The following SHLD3 variants were observed in gnomAD, a reference collection of about 807,000 sequenced individuals.
The protein encoded by SHLD3 is shieldin complex subunit 3.
SHLD3 carries 15 observed loss-of-function variants against 21.4 expected under a neutral mutation model. The observed-to-expected ratio is 0.70, with a 90% confidence interval of 0.47 to 1.08. SHLD3 has a LOEUF of 1.08. Among genes scored for constraint, SHLD3 ranks in the 50% least tolerant of loss-of-function variants. SHLD3 has a pLI of 0.00. For synonymous variants in SHLD3, 103 were observed against 97.2 expected (o/e 1.06, Z -0.35); for missense variants, 273 against 286.1 (o/e 0.95, Z 0.33).
rs901688684 is a variant in SHLD3 at position 65,629,986 on chromosome 5, T to A, written c.399T>A (p.Ser133Arg). 1 of 1,535,732 alleles carries A rather than the reference T, an allele frequency of 6.5e-7. No homozygotes were observed. The highest frequency in any genetic ancestry group is 8.7e-7 in the Non-Finnish European group (1 of 1,146,794). ...KGKQHKRRSW[S>R]ISLPSNNCTK... ...AACAGCACAAGAGGAGATCTTGGAG[T>A]ATTTCCCTTCCCAGCAATAATTGTA... Residue 133 changes from serine (S) to arginine (R), a missense_variant, in exon 2 of 2, where the codon AGT becomes AGA. By Grantham distance (110) the Ser-to-Arg change is moderately radical. Coordinates refer to ENST00000510585, the MANE Select transcript of SHLD3 (RefSeq NM_001365341.2).
At chr5:65,628,151 A>T (rs1409367246) in intron 1 of SHLD3, among the ~76,000 whole-genome samples, 2 of 152,164 alleles carry the variant, frequency 1.3e-5, no homozygotes, top group African/African-American at 4.8e-5. Context: ...TATGCACCAT[A>T]TGCTGGAATT....
Position 65,627,131 on chromosome 5 carries a change from C to CAAAAAAAAAAAAAAAAAAAAAAAAAAAA in SHLD3, c.-121+2051_-121+2052insAAAAAAAAAAAAAAAAAAAAAAAAAAAA, listed in dbSNP as rs60169195. On this transcript the variant is annotated intron_variant, in intron 1 of 1. Coordinates refer to ENST00000510585, the MANE Select transcript of SHLD3 (RefSeq NM_001365341.2). ...TGGGTGACAGAGTGAGACCCTGTCT[C>CAAAAAAAAAAAAAAAAAAAAAAAAAAAA]AAAAAAAAAAAAAAAAAAAAAAAAA... Among the ~76,000 whole-genome samples the CAAAAAAAAAAAAAAAAAAAAAAAAAAAA allele has an allele frequency of 1.2e-4, 4 of 32,580 alleles. 1 individual carries two copies. Among genetic ancestry groups the CAAAAAAAAAAAAAAAAAAAAAAAAAAAA allele is most frequent in the Non-Finnish European group, 6.4e-5 (1 of 15,528 alleles). The allele number at this position is 32,580 out of a possible 152,430, so 21.4% of individuals were successfully genotyped here.
In SHLD3 at chr5:65,629,561, C is replaced by A; in HGVS notation, c.-27C>A. The A allele has an allele frequency of 6.7e-7, 1 of 1,492,606 alleles. No homozygotes were observed. Among genetic ancestry groups the A allele is most frequent in the South Asian group, 1.3e-5 (1 of 76,660 alleles). The allele number at this position is 1,492,606 out of a possible 1,614,324, so 92.5% of individuals were successfully genotyped here. On this transcript the variant is annotated 5_prime_UTR_variant, in exon 2 of 2. Coordinates refer to ENST00000510585, the MANE Select transcript of SHLD3 (RefSeq NM_001365341.2). The stretch of plus-strand genomic sequence containing the variant: ...GAGTTCAACTAAGAAATTTTCTCAT[C>A]ACTAAGAGTAACTGGATTACTGCAG...
chr5:65,630,085 A>G lies in SHLD3; in HGVS notation c.498A>G (p.Arg166=). ...CACTAAATTTACACTCACTTTATAGAGCAAGATGGACAATAGAACACACTA... is the reference window on the plus strand; with the variant it reads ...CACTAAATTTACACTCACTTTATAGGGCAAGATGGACAATAGAACACACTA... ...LKALNLHSLY[R]ARWTIEHTIC... Residue 166 remains arginine, a synonymous_variant, in exon 2 of 2, where the codon AGA becomes AGG. Transcript: ENST00000510585. The G allele has an allele frequency of 1.3e-6, 2 of 1,536,118 alleles. No homozygotes were observed. Among genetic ancestry groups the G allele is most frequent in the Non-Finnish European group, 1.7e-6 (2 of 1,146,888 alleles).
rs1755432427 is a variant in SHLD3 at position 65,629,564 on chromosome 5, T to C, written c.-24T>C. On this transcript the variant is annotated 5_prime_UTR_variant, in exon 2 of 2. Transcript: ENST00000510585. ...TTCAACTAAGAAATTTTCTCATCACTAAGAGTAACTGGATTACTGCAGAAT... is the reference window on the plus strand; with the variant it reads ...TTCAACTAAGAAATTTTCTCATCACCAAGAGTAACTGGATTACTGCAGAAT... 6.7e-7 allele frequency: 1 copy of C among 1,496,496 alleles called. No individual in the cohort carries two copies. The allele number at this position is 1,496,496 out of a possible 1,614,324, so 92.7% of individuals were successfully genotyped here.
At chr5:65,625,596 A>C (rs1755178359) in intron 1 of SHLD3, 1 of 153,272 alleles carries the variant, frequency 6.5e-6, no homozygotes, top group African/African-American at 2.4e-5. Flanking sequence ...ACTTCAAATC[A>C]CTGTGTATGT....
rs1442007475 is a variant in SHLD3, at chr5:65,630,034, T to C, written c.447T>C (p.Ser149=). Residue 149 remains serine, a synonymous_variant, in exon 2 of 2, where the codon TCT becomes TCC. Coordinates refer to ENST00000510585, the MANE Select transcript of SHLD3 (RefSeq NM_001365341.2). ...GTACTAAAAACGTTTCTCCTTTGTC[T>C]AAAAAATTGCAAGATAGTTTAAAGG... is the stretch of plus-strand genomic sequence containing the variant. ...NNCTKNVSPL[S]KKLQDSLKAL... is the part of the protein sequence containing the mutation. The C allele has an allele frequency of 4.6e-6, 7 of 1,536,032 alleles. No homozygotes were observed. The Admixed American group carries it at 1.4e-4, about 30-fold the overall frequency.
At chr5:65,628,012 G>A (rs957857349) in intron 1 of SHLD3, among the ~76,000 whole-genome samples, 1 of 152,154 alleles carries the variant, frequency 6.6e-6, no homozygotes, top group Non-Finnish European at 1.5e-5. Flanking sequence ...GATTTTTGGG[G>A]AGAAGGGATT....
At chr5:65,626,465 G>C (rs1345816992) in intron 1 of SHLD3, among the ~76,000 whole-genome samples, 2 of 152,226 alleles carry the variant, frequency 1.3e-5, no homozygotes, top group East Asian at 1.9e-4. Context: ...GCAGCCGCGC[G>C]TGGTGGCTCA....
Position 65,630,470 on chromosome 5 carries a change from A to C in SHLD3, c.*130A>C. On this transcript the variant is annotated 3_prime_UTR_variant, in exon 2 of 2. Transcript: ENST00000510585. The stretch of plus-strand genomic sequence containing the variant: ...AATTCCTAGGCTTGTCAATTAAGTC[A>C]AGAAATTGCTGAGTTCTGCTTATTG... 1 of 1,387,584 alleles carries C rather than the reference A, an allele frequency of 7.2e-7. No individual in the cohort carries two copies. Among genetic ancestry groups the C allele is most frequent in the Non-Finnish European group, 9.3e-7 (1 of 1,077,586 alleles). 86.0% of individuals were successfully genotyped at this position (1,387,584 alleles called of 1,614,324 possible).
Position 65,629,517 on chromosome 5 carries a change from T to A in SHLD3, c.-71T>A. On this transcript the variant is annotated 5_prime_UTR_variant, in exon 2 of 2. Coordinates refer to ENST00000510585, the MANE Select transcript of SHLD3 (RefSeq NM_001365341.2). The stretch of plus-strand genomic sequence containing the variant: ...AGAGAGACAATCTTGCAATAATAAA[T>A]TAACATTCTAGCTCTGAGGAGTTCA... 6.9e-7 allele frequency: 1 copy of A among 1,441,814 alleles called. No individual in the cohort carries two copies. The highest frequency in any genetic ancestry group is 1.5e-5 in the South Asian group (1 of 66,516). The allele number at this position is 1,441,814 out of a possible 1,614,324, so 89.3% of individuals were successfully genotyped here.
chr5:65,626,738 AAAAC>A (rs1018638460), intron 1 of SHLD3, among the ~76,000 whole-genome samples: 11 of 152,182 alleles, frequency 7.2e-5, no homozygotes, highest in Non-Finnish European at 1.3e-4. Flanking sequence ...TCCATCTCAA[AAAAC>A]AAACAAACAA....
At chr5:65,628,077 T>C (rs1013100788) in intron 1 of SHLD3, among the ~76,000 whole-genome samples, 2 of 152,188 alleles carry the variant, frequency 1.3e-5, no homozygotes, top group East Asian at 3.9e-4. Context: ...TTTATGGCTC[T>C]TACAGCTTTG....
At chr5:65,629,364 C>A in intron 1 of SHLD3, 104 bp from the exon 2 acceptor site, 4 of 799,324 alleles carry the variant, frequency 5.0e-6, no homozygotes, top group African/African-American at 1.8e-5. Flanking sequence ...GGTAAAATAC[C>A]ACATTGGGAT....
rs1755432852 is a variant in SHLD3 at position 65,629,581 on chromosome 5, C to T, written c.-7C>T. 6.6e-7 allele frequency: 1 copy of T among 1,518,362 alleles called. No individual in the cohort carries two copies. The highest frequency in any genetic ancestry group is 1.2e-5 in the South Asian group (1 of 81,262). 94.1% of individuals were successfully genotyped at this position (1,518,362 alleles called of 1,614,324 possible). ...CTCATCACTAAGAGTAACTGGATTA[C>T]TGCAGAATGACTACAGAAGTAATAT... On this transcript the variant is annotated 5_prime_UTR_variant, in exon 2 of 2. Transcript: ENST00000510585.
At position 65,629,617 on chromosome 5, in the gene SHLD3, A is replaced by C; in HGVS notation, c.30A>C (p.Arg10=). 6.5e-7 allele frequency: 1 copy of C among 1,535,266 alleles called. No homozygotes were observed. The highest frequency in any genetic ancestry group is 8.7e-7 in the Non-Finnish European group (1 of 1,146,464). ...CTACAGAAGTAATATTACATTATCGACCATGTGAGAGTGATCCCACACAAC... is the reference window on the plus strand; with the variant it reads ...CTACAGAAGTAATATTACATTATCGCCCATGTGAGAGTGATCCCACACAAC... MTTEVILHY[R]PCESDPTQLP... The change falls in exon 2 of 2, where the codon CGA becomes CGC. Residue 10 remains arginine, a synonymous_variant. Transcript: ENST00000510585.
In SHLD3 at chr5:65,629,895, C is replaced by T; in HGVS notation, c.308C>T (p.Thr103Ile). Residue 103 changes from threonine (T) to isoleucine (I), a missense_variant, in exon 2 of 2, where the codon ACC becomes ATC. Coordinates refer to ENST00000510585, the MANE Select transcript of SHLD3 (RefSeq NM_001365341.2). ...FQPSLKKQHL[T>I]WSHTLKEQTN... ...CCTAGCTTGAAAAAGCAGCATTTAA[C>T]CTGGTCACACACACTGAAGGAACAG... 1 of 1,536,074 alleles carries T rather than the reference C, an allele frequency of 6.5e-7. No homozygotes were observed. The highest frequency in any genetic ancestry group is 8.7e-7 in the Non-Finnish European group (1 of 1,146,894).
At position 65,630,819 on chromosome 5, in the gene SHLD3, C is replaced by A; in HGVS notation, c.*479C>A. 1 of 360,316 alleles carries A rather than the reference C, an allele frequency of 2.8e-6. No individual in the cohort carries two copies. 22.3% of individuals were successfully genotyped at this position (360,316 alleles called of 1,614,324 possible). ...CAATTGATAGGCTGTTTTCAAACAA[C>A]GATACAAAATGTATACTTTGCCTAA... On this transcript the variant is annotated 3_prime_UTR_variant, in exon 2 of 2. Coordinates refer to ENST00000510585, the MANE Select transcript of SHLD3 (RefSeq NM_001365341.2).
chr5:65,625,065 A>T lies in SHLD3; in HGVS notation c.-162A>T, dbSNP rs759724518. On this transcript the variant is annotated 5_prime_UTR_variant, in exon 1 of 2. Transcript: ENST00000510585. ...GGGTCAAAAGTGCCGGTCAAAATGG[A>T]AGTGAATCCCCCTAAACAGGAGCAC... 2.5e-6 allele frequency: 4 copies of T among 1,613,494 alleles called. No homozygotes were observed. The highest frequency in any genetic ancestry group is 3.4e-6 in the Non-Finnish European group (4 of 1,179,646).
Sources: gnomAD v4.1 joint callset for allele counts (sites outside exome capture counted in the v4.1 genomes callset) on GRCh38, gnomAD v4.1.1 for gene constraint, MANE v1.5 for transcripts, NCBI Gene and HGNC (gene_info 2026-07-23, HGNC 2026-07-21) for gene names.